STXBP3: variants seen among roughly 807,000 people sequenced by gnomAD.
The protein encoded by STXBP3 is syntaxin-binding protein 3.
In STXBP3, 41 loss-of-function variants were observed where a neutral mutation model predicts 85.7. The ratio of observed to expected loss-of-function variants is 0.48; its 90% CI spans 0.37 to 0.62. The LOEUF (loss-of-function observed/expected upper bound fraction) is 0.62, where lower values mean the gene tolerates loss of function less well. Ranked by LOEUF, STXBP3 falls within the 20% of genes least tolerant of loss-of-function variation. The pLI is 0.00. For missense variants in STXBP3, 563 were observed against 703.1 expected, an observed-to-expected ratio of 0.80 and a Z score of 2.25; for synonymous variants, 229 against 231.7, an observed-to-expected ratio of 0.99 and a Z score of 0.10.
intron 7 of STXBP3, among the ~76,000 whole-genome samples, chr1:108,774,612 A>G (rs577673921): frequency 1.3e-5 from 2 of 149,216 alleles, no homozygotes; most frequent in Non-Finnish European, 3.0e-5. Context: ...CTTGGGTATT[A>G]GAAACATTCT....
intron 6 of STXBP3, chr1:108,767,116 C>T (rs938623210): frequency 4.0e-5 from 13 of 325,014 alleles, no homozygotes; most frequent in Non-Finnish European, 7.2e-5. Context: ...TGCTGTTCAC[C>T]TACAACAACT....
intron 3 of STXBP3, among the ~76,000 whole-genome samples, chr1:108,753,667 T>C (rs1178313320): frequency 6.6e-6 from 1 of 152,148 alleles, no homozygotes; most frequent in East Asian, 1.9e-4. Context: ...AAAATCATAA[T>C]GTCATAAGAA....
At chr1:108,776,297 G>C (rs1326715780) in intron 7 of STXBP3, 36 bp from the exon 8 acceptor site, 6 of 1,448,652 alleles carry the variant, frequency 4.1e-6, no homozygotes, top group Non-Finnish European at 5.7e-6. Flanking sequence ...TACACTGAAA[G>C]AAAGATAATT....
intron 16 of STXBP3, among the ~76,000 whole-genome samples, chr1:108,799,904 C>T (rs545955597): frequency 2.0e-5 from 3 of 151,946 alleles, no homozygotes; most frequent in South Asian, 4.1e-4. Flanking sequence ...AAGTGTGTCA[C>T]GACTGGAATA....
chr1:108,777,313 G>A (rs923069761), intron 8 of STXBP3, among the ~76,000 whole-genome samples: 1 of 152,052 alleles, frequency 6.6e-6, no homozygotes, highest in African/African-American at 2.4e-5. Context: ...AGAAGAAGAG[G>A]CCCTTTAGCT....
Position 108,756,677 on chromosome 1 carries a change from T to C in STXBP3, c.182-13T>C. The C allele has an allele frequency of 6.6e-7, 1 of 1,512,738 alleles. No individual in the cohort carries two copies. The highest frequency in any genetic ancestry group is 8.9e-7 in the Non-Finnish European group (1 of 1,127,024). The allele number at this position is 1,512,738 out of a possible 1,614,324, so 93.7% of individuals were successfully genotyped here. A position where few individuals can be genotyped will look rare whatever the true frequency, so the allele number is the denominator to read the frequency against. On this transcript the variant is annotated splice_polypyrimidine_tract_variant and intron_variant, in intron 3 of 18. Transcript: ENST00000370008. Reference sequence around the variant, plus strand: ...AATATTTGGTTATATAAAATGACCTTTTTTCTTGTTAGTTGTAGAGAATAT... The same window carrying C: ...AATATTTGGTTATATAAAATGACCTCTTTTCTTGTTAGTTGTAGAGAATAT...
At chr1:108,785,405 T>G (rs1662804277) in intron 11 of STXBP3, among the ~76,000 whole-genome samples, 1 of 152,146 alleles carries the variant, frequency 6.6e-6, no homozygotes, top group African/African-American at 2.4e-5. Context: ...CTTTGGCCCC[T>G]TTTAGCCACA....
intron 6 of STXBP3, among the ~76,000 whole-genome samples, chr1:108,762,208 A>T (rs1662155036): frequency 6.6e-6 from 1 of 152,232 alleles, no homozygotes; most frequent in South Asian, 2.1e-4. Context: ...TCCTACCCTC[A>T]TTTGAATACT....
intron 11 of STXBP3, 54 bp from the exon 12 acceptor site, chr1:108,793,528 A>G (rs1663022877): frequency 1.4e-6 from 2 of 1,424,928 alleles, no homozygotes; most frequent in Non-Finnish European, 2.0e-6. Context: ...CAAAGTTGTA[A>G]TATGGAATAA....
At chr1:108,788,428 C>G (rs1292367631) in intron 11 of STXBP3, among the ~76,000 whole-genome samples, 1 of 152,172 alleles carries the variant, frequency 6.6e-6, no homozygotes, top group Non-Finnish European at 1.5e-5. Context: ...GTGATGCACA[C>G]TTTGTCATTC....
At chr1:108,796,067 A>T (rs541981082) in intron 13 of STXBP3, among the ~76,000 whole-genome samples, 167 bp from the exon 14 acceptor site, 1 of 152,256 alleles carries the variant, frequency 6.6e-6, no homozygotes, top group Non-Finnish European at 1.5e-5. Context: ...GGGTTTTACC[A>T]TGTTGGCCAG....
At chr1:108,784,767 C>A (rs532841420) in intron 11 of STXBP3, among the ~76,000 whole-genome samples, 1 of 152,316 alleles carries the variant, frequency 6.6e-6, no homozygotes, top group South Asian at 2.1e-4. Flanking sequence ...TTAGTTACTT[C>A]CTAGATACAA....
Position 108,807,498 on chromosome 1 carries a change from C to T in STXBP3, c.1633C>T (p.Arg545Cys), listed in dbSNP as rs750050452. The T allele has an allele frequency of 6.2e-7, 1 of 1,611,690 alleles. No individual in the cohort carries two copies. Residue 545 changes from arginine (R) to cysteine (C), a missense_variant, in exon 18 of 19, where the codon CGT (arginine) becomes TGT (cysteine). Transcript: ENST00000370008. Reference protein sequence around the residue: ...VIGGITYSEVRCAYEVSQAHK... With the variant: ...VIGGITYSEVCCAYEVSQAHK... ...TGGAGGGATCACATACTCTGAAGTGCGTTGTGCTTATGAAGTTTCTCAGGC... is the reference window on the plus strand; with the variant it reads ...TGGAGGGATCACATACTCTGAAGTGTGTTGTGCTTATGAAGTTTCTCAGGC...
intron 9 of STXBP3, chr1:108,780,198 A>G (rs1228177585): frequency 6.6e-6 from 1 of 152,054 alleles, no homozygotes; most frequent in East Asian, 1.9e-4. Flanking sequence ...TAGTTATGAT[A>G]CTGTTTTTTT....
At chr1:108,752,583 T>A (rs903064914) in intron 2 of STXBP3, among the ~76,000 whole-genome samples, 2 of 152,204 alleles carry the variant, frequency 1.3e-5, no homozygotes, top group Admixed American at 1.3e-4. Flanking sequence ...ATCACACTGC[T>A]TGGCTCCAAA....
rs1662104476 is a variant in STXBP3, at chr1:108,760,021, C to T, written c.374C>T (p.Ser125Phe). ...PDNLFNKIKA[S>F]CSKSIRRCKE... ...AATCTCTTTAACAAAATTAAGGCTT[C>T]TTGCTCCAAGTCAATAAGAAGATGT... is the stretch of plus-strand genomic sequence containing the variant. The change falls in exon 6 of 19, where the codon TCT (serine) becomes TTT (phenylalanine). Residue 125 changes from serine (S) to phenylalanine (F), a missense_variant. Coordinates refer to ENST00000370008, the MANE Select transcript of STXBP3 (RefSeq NM_007269.4). The T allele has an allele frequency of 8.2e-6, 13 of 1,576,850 alleles. No individual in the cohort carries two copies. Among genetic ancestry groups the T allele is most frequent in the Non-Finnish European group, 1.1e-5 (13 of 1,166,636 alleles).
At position 108,793,926 on chromosome 1, in the gene STXBP3, A is replaced by G. The variant is rs559313353; in HGVS notation, c.1029+279A>G. Reference sequence around the variant, plus strand: ...CATTTATCAACCTTACAAGAAATTCAGCACTAGATTGACTAGTGGATGTTA... The same window carrying G: ...CATTTATCAACCTTACAAGAAATTCGGCACTAGATTGACTAGTGGATGTTA... On this transcript the variant is annotated intron_variant, in intron 12 of 18. Transcript: ENST00000370008. Among the ~76,000 whole-genome samples, 46 of 152,304 alleles carry G rather than the reference A, an allele frequency of 3.0e-4. No individual in the cohort carries two copies. The South Asian group carries it at 9.5e-3, about 32-fold the overall frequency.
chr1:108,758,705 TTCAG>T (rs1662069733), intron 5 of STXBP3, 117 bp downstream of exon 5: 1 of 438,364 alleles, frequency 2.3e-6, no homozygotes, highest in Non-Finnish European at 4.1e-6. Context: ...ATAATATTAT[TTCAG>T]TCCTGGTGAT....
chr1:108,808,663 A>C (rs182025861), intron 18 of STXBP3, 120 bp from the exon 19 acceptor site: 1 of 758,400 alleles, frequency 1.3e-6, no homozygotes, highest in East Asian at 2.6e-5. Context: ...TCTTACAGAA[A>C]TTTTGTTACA....
Sources: gnomAD v4.1 joint callset for allele counts (sites outside exome capture counted in the v4.1 genomes callset) on GRCh38, gnomAD v4.1.1 for gene constraint, MANE v1.5 for transcripts, NCBI Gene and HGNC (gene_info 2026-07-23, HGNC 2026-07-21) for gene names.